PARG: variants seen among roughly 807,000 people sequenced by gnomAD.
The protein encoded by PARG is mitochondrial poly(ADP-ribose) glycohydrolase.
Under a neutral mutation model 113.0 loss-of-function variants are expected in PARG, and 35 were observed. That is an observed-to-expected ratio of 0.31 (90% confidence interval 0.24 to 0.41). The LOEUF is 0.41. Among genes scored for constraint, PARG ranks in the 10% least tolerant of loss-of-function variants. The pLI is 1.00. For missense variants in PARG, 797 were observed against 1,169.4 expected (o/e 0.68, Z 4.64); for synonymous variants, 330 against 409.9 (o/e 0.81, Z 2.36).
intron 11 of PARG, among the ~76,000 whole-genome samples, chr10:49,865,093 A>G (rs1302779600): frequency 6.6e-6 from 1 of 151,988 alleles, no homozygotes; most frequent in Non-Finnish European, 1.5e-5. Flanking sequence ...AGACAAAACC[A>G]AGACAAAATG....
At chr10:49,820,352 G>GCTCTTTAC in intron 16 of PARG, 59 bp from the exon 17 acceptor site, 1 of 1,251,098 alleles carries the variant, frequency 8.0e-7, no homozygotes, top group East Asian at 2.5e-5. Context: ...GATACCTTTA[G>GCTCTTTAC]CTCTTTACCA....
At chr10:49,923,201 TCCCCCA>T (rs1431051229) in intron 4 of PARG, among the ~76,000 whole-genome samples, 1 of 152,038 alleles carries the variant, frequency 6.6e-6, no homozygotes, top group Non-Finnish European at 1.5e-5. Flanking sequence ...AATTGCCACC[TCCCCCA>T]CTGTATCTGG....
rs1417195420 is a variant in PARG at position 49,884,451 on chromosome 10, T to C, written c.1830+752A>G. On this transcript the variant is annotated intron_variant, in intron 8 of 17. Coordinates refer to ENST00000616448, the MANE Select transcript of PARG (RefSeq NM_003631.5). Reference sequence around the variant, plus strand: ...TCGTCTCTACTAAAAGTACAAAAAGTAGCCAGGTGTGGTGGCGCACGCCTG... The same window carrying C: ...TCGTCTCTACTAAAAGTACAAAAAGCAGCCAGGTGTGGTGGCGCACGCCTG... Among the ~76,000 whole-genome samples, 106 of 152,254 alleles carry C rather than the reference T, an allele frequency of 7.0e-4. 1 individual carries two copies. Among genetic ancestry groups the C allele is most frequent in the African/African-American group, 2.5e-3 (102 of 41,550 alleles).
rs1234826854 is a variant in PARG at position 49,904,798 on chromosome 10, C to T, written c.1737+11119G>A. On this transcript the variant is annotated intron_variant, in intron 7 of 17. Transcript: ENST00000616448. ...AGGCAAGGTGGTGCGTGCCTGTAAT[C>T]CCAGCTACTCAGGAGGCTGAGGCAG... Among the ~76,000 whole-genome samples, 4 of 152,062 alleles carry T rather than the reference C, an allele frequency of 2.6e-5. No homozygotes were observed. The South Asian group carries it at 8.3e-4, about 32-fold the overall frequency.
intron 16 of PARG, among the ~76,000 whole-genome samples, chr10:49,824,231 A>G (rs186142560): frequency 2.2e-4 from 33 of 152,342 alleles, no homozygotes; most frequent in African/African-American, 6.0e-4. Context: ...ACATCAGTAA[A>G]CACTGACAAA....
intron 15 of PARG, among the ~76,000 whole-genome samples, chr10:49,841,305 C>T (rs1032267577): frequency 2.0e-5 from 3 of 151,900 alleles, no homozygotes; most frequent in African/African-American, 7.3e-5. Context: ...GTGAATAATT[C>T]GAGGAACTAA....
At chr10:49,857,280 C>T in intron 13 of PARG, 26 bp downstream of exon 13, 1 of 840,530 alleles carries the variant, frequency 1.2e-6, no homozygotes, top group Non-Finnish European at 2.0e-6. Flanking sequence ...AAGACTACCC[C>T]ATTTTCCAGG....
intron 9 of PARG, 100 bp from the exon 10 acceptor site, chr10:49,869,655 A>G (rs1846696752): frequency 1.6e-6 from 1 of 625,056 alleles, no homozygotes; most frequent in Non-Finnish European, 2.9e-6. Flanking sequence ...CAAAGAAATA[A>G]TTCTTCCAGA....
At chr10:49,880,837 G>A (rs1467609080) in intron 8 of PARG, among the ~76,000 whole-genome samples, 1 of 152,146 alleles carries the variant, frequency 6.6e-6, no homozygotes, top group African/African-American at 2.4e-5. Context: ...AGCCTGACTC[G>A]AGTATAGCAT....
intron 16 of PARG, among the ~76,000 whole-genome samples, chr10:49,820,758 G>A (rs1014491991): frequency 1.3e-5 from 2 of 151,692 alleles, no homozygotes; most frequent in African/African-American, 4.8e-5. Context: ...ATACAGGATG[G>A]ACATAAATCA....
At chr10:49,902,083 C>T (rs1848371110) in intron 7 of PARG, among the ~76,000 whole-genome samples, 1 of 152,092 alleles carries the variant, frequency 6.6e-6, no homozygotes, top group Non-Finnish European at 1.5e-5. Context: ...GTTTGGACTC[C>T]ACAGATGTAG....
intron 1 of PARG, among the ~76,000 whole-genome samples, chr10:49,936,132 A>AT (rs71274775): frequency 2.8e-4 from 42 of 149,222 alleles, no homozygotes; most frequent in East Asian, 1.2e-3. Flanking sequence ...GCTGGAATCT[A>AT]TTTTTTTTTT....
At chr10:49,820,686 G>A (rs1184045262) in intron 16 of PARG, among the ~76,000 whole-genome samples, 2 of 148,288 alleles carry the variant, frequency 1.3e-5, no homozygotes, top group Non-Finnish European at 3.0e-5. Flanking sequence ...TCGCACCACT[G>A]CACTCCAGCC....
intron 13 of PARG, among the ~76,000 whole-genome samples, chr10:49,844,005 C>T (rs1481217252): frequency 1.3e-5 from 2 of 151,816 alleles, no homozygotes; most frequent in Non-Finnish European, 1.5e-5. Context: ...ATTAGCCAGG[C>T]TTGGTGGTGT....
chr10:49,866,118 C>T (rs1846501765), intron 10 of PARG, among the ~76,000 whole-genome samples: 1 of 151,570 alleles, frequency 6.6e-6, no homozygotes, highest in Non-Finnish European at 1.5e-5. Flanking sequence ...AGATCCTTTT[C>T]TAGTCAGATT....
intron 7 of PARG, among the ~76,000 whole-genome samples, chr10:49,895,999 G>A (rs376176919): frequency 4.4e-3 from 676 of 151,914 alleles, no homozygotes; most frequent in East Asian, 0.016. Context: ...TAGGTTTCTT[G>A]GGTTTTTCTG....
intron 6 of PARG, among the ~76,000 whole-genome samples, chr10:49,919,188 G>T (rs1855536337): frequency 6.6e-6 from 1 of 152,150 alleles, no homozygotes; most frequent in African/African-American, 2.4e-5. Flanking sequence ...CGACCTGCCT[G>T]CCTCGGCCTC....
At chr10:49,920,497 TAC>T (rs1201395602) in intron 6 of PARG, among the ~76,000 whole-genome samples, 2,657 of 62,880 alleles carry the variant, frequency 0.042, 129 homozygotes, top group African/African-American at 0.075. Flanking sequence ...TATATATATA[TAC>T]ACACACACAC....
At chr10:49,908,407 G>C (rs1354207963) in intron 7 of PARG, 1 of 152,032 alleles carries the variant, frequency 6.6e-6, no homozygotes, top group Non-Finnish European at 1.5e-5. Flanking sequence ...TTCCCTTTTG[G>C]CTCCTATAGT....
Sources: gnomAD v4.1 joint callset for allele counts (sites outside exome capture counted in the v4.1 genomes callset) on GRCh38, gnomAD v4.1.1 for gene constraint, MANE v1.5 for transcripts, NCBI Gene and HGNC (gene_info 2026-07-23, HGNC 2026-07-21) for gene names.